STPG2: variants seen among roughly 807,000 people sequenced by gnomAD.
STPG2 encodes the protein sperm-tail PG-rich repeat-containing protein 2.
STPG2 carries 56 observed loss-of-function variants against 54.2 expected under a neutral mutation model. That is an observed-to-expected ratio of 1.03 (90% CI 0.83 to 1.29). STPG2 has a LOEUF of 1.29. Ranked by LOEUF, STPG2 falls within the 50% of genes most tolerant of loss-of-function variation. The probability of loss-of-function intolerance (pLI) is 0.00; values close to 1 mark genes in which losing one functional copy is unlikely to be tolerated. For missense variants in STPG2, 596 were observed against 544.9 expected (o/e 1.09, Z -0.93); for synonymous variants, 200 against 181.8 (o/e 1.10, Z -0.81).
chr4:97,623,083 A>G (rs984073775), intron 10 of STPG2, among the ~76,000 whole-genome samples: 5 of 152,040 alleles, frequency 3.3e-5, no homozygotes, highest in African/African-American at 1.2e-4. Flanking sequence ...TTAAAACTGG[A>G]CCCTTTCATA....
chr4:97,803,491 A>T (rs1578579156), intron 9 of STPG2, among the ~76,000 whole-genome samples: 1 of 152,244 alleles, frequency 6.6e-6, no homozygotes, highest in South Asian at 2.1e-4. Context: ...CCAAGCAGGT[A>T]TTTAGGACCC....
chr4:97,606,092 C>A (rs1297563540), intron 10 of STPG2, among the ~76,000 whole-genome samples: 2 of 151,820 alleles, frequency 1.3e-5, no homozygotes, highest in African/African-American at 4.8e-5. Context: ...TGATTTAGGA[C>A]CTTTCAAAAT....
chr4:97,643,214 G>C (rs1374337124), intron 10 of STPG2, among the ~76,000 whole-genome samples: 1 of 151,302 alleles, frequency 6.6e-6, no homozygotes, highest in Non-Finnish European at 1.5e-5. Flanking sequence ...TTAAAAAGAG[G>C]TTGTTCAATT....
chr4:97,891,152 C>T (rs192824437), intron 8 of STPG2, among the ~76,000 whole-genome samples: 15 of 152,124 alleles, frequency 9.9e-5, no homozygotes, highest in Admixed American at 2.0e-4. Flanking sequence ...ATTCTGTGCA[C>T]GCATTACTTT....
chr4:97,531,773 G>A (rs531663495), intron 4 of STPG2, among the ~76,000 whole-genome samples: 2 of 152,216 alleles, frequency 1.3e-5, no homozygotes, highest in African/African-American at 2.4e-5. Context: ...AAATAGAAAG[G>A]AGTAATATGT....
chr4:97,611,680 T>C (rs1272786766), intron 10 of STPG2, among the ~76,000 whole-genome samples: 6 of 151,762 alleles, frequency 4.0e-5, no homozygotes, highest in Non-Finnish European at 7.4e-5. Flanking sequence ...TAAATAGATC[T>C]AACATAGCCT....
At chr4:98,138,748 G>A (rs1166995337) in intron 1 of STPG2, among the ~76,000 whole-genome samples, 1 of 152,060 alleles carries the variant, frequency 6.6e-6, no homozygotes, top group African/African-American at 2.4e-5. Context: ...ATAGGCACAG[G>A]TATGAGACCA....
intron 8 of STPG2, among the ~76,000 whole-genome samples, chr4:97,904,464 C>T (rs1411855753): frequency 6.6e-6 from 1 of 152,194 alleles, no homozygotes; most frequent in Non-Finnish European, 1.5e-5. Context: ...ACATCACCAT[C>T]ATCAAAGACC....
At chr4:97,696,311 A>G (rs1440591057) in intron 10 of STPG2, among the ~76,000 whole-genome samples, 1 of 152,206 alleles carries the variant, frequency 6.6e-6, no homozygotes, top group East Asian at 1.9e-4. Flanking sequence ...CCTGTAATAA[A>G]TTGGCAAGTC....
chr4:97,538,254 G>T (rs1731588400), intron 4 of STPG2, among the ~76,000 whole-genome samples: 1 of 152,156 alleles, frequency 6.6e-6, no homozygotes, highest in Non-Finnish European at 1.5e-5. Context: ...CCGAGCTAAA[G>T]GAGGAAGTTC....
intron 1 of STPG2, 87 bp downstream of exon 1, chr4:98,142,955 C>G: frequency 1.8e-6 from 2 of 1,131,508 alleles, no homozygotes; most frequent in Non-Finnish European, 2.6e-6. Context: ...CTATTCCGCT[C>G]TATGTTTAAC....
At chr4:97,697,215 T>C (rs1414916655) in intron 10 of STPG2, among the ~76,000 whole-genome samples, 2 of 152,200 alleles carry the variant, frequency 1.3e-5, no homozygotes, top group African/African-American at 4.8e-5. Context: ...TGGCCCACTG[T>C]GGGAGCTAAA....
rs1237597071 is a variant in STPG2 at position 97,787,691 on chromosome 4, T to C, written c.1204+53082A>G. 2.6e-5 allele frequency among the ~76,000 whole-genome samples: 4 copies of C among 152,120 alleles called. No individual in the cohort carries two copies. The East Asian group carries it at 7.7e-4, about 29-fold the overall frequency. ...ATTTATAAAAAATTAGTAGAATCTC[T>C]ATTTTTTGCTTCTTAAATGTTTATG... On this transcript the variant is annotated intron_variant, in intron 9 of 10. Coordinates refer to ENST00000295268, the MANE Select transcript of STPG2 (RefSeq NM_174952.3).
chr4:98,067,033 A>C (rs1737856618), intron 5 of STPG2, among the ~76,000 whole-genome samples: 1 of 152,188 alleles, frequency 6.6e-6, no homozygotes, highest in Non-Finnish European at 1.5e-5. Context: ...CAACACATCG[A>C]GAAAATGTTT....
intron 10 of STPG2, among the ~76,000 whole-genome samples, chr4:97,578,102 C>CT (rs10571752): frequency 5.0e-4 from 58 of 115,964 alleles, no homozygotes; most frequent in South Asian, 1.5e-3. Flanking sequence ...TTCTTTCTTT[C>CT]TTTTTTTTTT....
At chr4:97,545,167 G>A (rs918549250) in intron 4 of STPG2, among the ~76,000 whole-genome samples, 1 of 152,088 alleles carries the variant, frequency 6.6e-6, no homozygotes, top group Non-Finnish European at 1.5e-5. Flanking sequence ...CTAGGATTCA[G>A]CTAGGCTTTT....
intron 10 of STPG2, among the ~76,000 whole-genome samples, chr4:97,612,279 G>T (rs968904484): frequency 6.7e-6 from 1 of 149,880 alleles, no homozygotes; most frequent in Non-Finnish European, 1.5e-5. Context: ...AACACAACAT[G>T]CACACAAAGG....
At chr4:97,825,560 T>C (rs1455737571) in intron 9 of STPG2, among the ~76,000 whole-genome samples, 1 of 152,166 alleles carries the variant, frequency 6.6e-6, no homozygotes, top group Non-Finnish European at 1.5e-5. Context: ...AAATCTGTTT[T>C]ACCTCCCAAC....
intron 9 of STPG2, among the ~76,000 whole-genome samples, chr4:97,765,751 C>T (rs531825709): frequency 1.2e-3 from 189 of 152,246 alleles, no homozygotes; most frequent in African/African-American, 4.3e-3. Context: ...CAGAGTCAGA[C>T]AACCTGAACA....
Sources: gnomAD v4.1 joint callset for allele counts (sites outside exome capture counted in the v4.1 genomes callset) on GRCh38, gnomAD v4.1.1 for gene constraint, MANE v1.5 for transcripts, NCBI Gene and HGNC (gene_info 2026-07-23, HGNC 2026-07-21) for gene names.